The following SETD1B variants were observed in gnomAD, a reference collection of about 807,000 sequenced individuals.
The protein encoded by SETD1B is histone-lysine N-methyltransferase SETD1B.
SETD1B carries 7 observed loss-of-function variants against 148.0 expected under a neutral mutation model. That is an observed-to-expected ratio of 0.05 (90% CI 0.03 to 0.09). The LOEUF is 0.09. Among genes scored for constraint, SETD1B ranks in the 10% least tolerant of loss-of-function variants. The pLI is 1.00. For missense variants in SETD1B, 2,155 were observed against 2,729.9 expected, an observed-to-expected ratio of 0.79 and a Z score of 4.69; for synonymous variants, 1,361 against 1,186.5, an observed-to-expected ratio of 1.15 and a Z score of -3.02.
intron 5 of SETD1B, among the ~76,000 whole-genome samples, chr12:121,809,121 G>A (rs1311023545): frequency 1.3e-5 from 2 of 152,138 alleles, no homozygotes; most frequent in African/African-American, 4.8e-5. Context: ...TGATCCACCT[G>A]CCTCGGCTTC....
Position 121,810,576 on chromosome 12 carries a change from C to T in SETD1B, c.1631C>T (p.Ala544Val), listed in dbSNP as rs1431673632. Reference protein sequence around the residue: ...SSSSSQLSPLAPFGTNSQPGF... With the variant: ...SSSSSQLSPLVPFGTNSQPGF... Reference sequence around the variant, plus strand: ...TCCTCCTCCCAGCTCTCCCCACTGGCCCCCTTTGGCACCAACTCCCAGCCA... The same window carrying T: ...TCCTCCTCCCAGCTCTCCCCACTGGTCCCCTTTGGCACCAACTCCCAGCCA... Residue 544 changes from alanine to valine, a missense_variant, in exon 6 of 17, where the codon GCC becomes GTC. By Grantham distance (64) the Ala-to-Val change is moderately conservative. Coordinates refer to ENST00000604567, the MANE Select transcript of SETD1B (RefSeq NM_001353345.2). The surrounding 1 kb of genome is among the most constrained non-coding windows in gnomAD (Gnocchi z 7.6). 1.3e-6 allele frequency: 2 copies of T among 1,548,262 alleles called. No individual in the cohort carries two copies. Among genetic ancestry groups the T allele is most frequent in the Non-Finnish European group, 1.7e-6 (2 of 1,146,962 alleles).
chr12:121,795,434 G>A, the SETD1B span: 1 of 152,296 alleles, frequency 6.6e-6, no homozygotes, highest in Non-Finnish European at 1.5e-5. Context: ...GGCAGGCAGG[G>A]AAAGTAGGGT....
chr12:121,791,006 T>C, the SETD1B span, among the ~76,000 whole-genome samples: 1 of 152,108 alleles, frequency 6.6e-6, no homozygotes, highest in Non-Finnish European at 1.5e-5. Context: ...TCCGAGTAGC[T>C]GGGACTATAG....
In SETD1B at chr12:121,817,623, A is replaced by AGAGGAGGCG. The variant is rs1373357718; in HGVS notation, c.3239_3247dup (p.Ala1080_Glu1082dup). The AGAGGAGGCG allele has an allele frequency of 6.4e-7, 1 of 1,551,420 alleles. No individual in the cohort carries two copies. Among genetic ancestry groups the AGAGGAGGCG allele is most frequent in the East Asian group, 2.4e-5 (1 of 40,912 alleles). ...AGGAACAGGAGAGCACCGAGGAGGA[A>AGAGGAGGCG]GAGGAGGCGGAGGAGGAGGAGGAGG... is the stretch of plus-strand genomic sequence containing the variant. On this transcript the variant is annotated inframe_insertion, in exon 9 of 17. Transcript: ENST00000604567. The surrounding 1 kb of genome is among the most constrained non-coding windows in gnomAD (Gnocchi z 8.1).
chr12:121,815,031 G>A (rs1014985443), intron 7 of SETD1B, 101 bp downstream of exon 7: 12 of 1,114,390 alleles, frequency 1.1e-5, no homozygotes, highest in Non-Finnish European at 1.4e-5. Flanking sequence ...TGGAAACGCT[G>A]CCGTGGACCC....
At position 121,817,194 on chromosome 12, in the gene SETD1B, G is replaced by C. The variant is rs773169771; in HGVS notation, c.2877G>C (p.Leu959=). The change falls in exon 8 of 17, where the codon CTG becomes CTC. Residue 959 remains leucine (L), a synonymous_variant. Coordinates refer to ENST00000604567, the MANE Select transcript of SETD1B (RefSeq NM_001353345.2). This position sits in a 1 kb window ranked among gnomAD's most constrained non-coding sequence, Gnocchi z 8.1. ...TTGGGCTGCGTGGGGCCATTCGCCT[G>C]CCCTCCTTCAAGGTCAAGAGGAAGG... The part of the protein sequence containing the change: ...LGIGLRGAIR[L]PSFKVKRKEP... The C allele has an allele frequency of 6.5e-6, 10 of 1,550,268 alleles. No homozygotes were observed. The African/African-American group carries it at 1.4e-4, about 21-fold the overall frequency.
rs1018088358 is a variant in SETD1B at position 121,830,278 on chromosome 12, T to C, written c.*39T>C. ...ACTCAAAGGATGTCAGCCGTAGCCC[T>C]GGGACTCCCGAGCGTGGAGCCCCTG... On this transcript the variant is annotated 3_prime_UTR_variant, in exon 17 of 17. Transcript: ENST00000604567. This position sits in a 1 kb window ranked among gnomAD's most constrained non-coding sequence, Gnocchi z 5.7. The C allele has an allele frequency of 5.3e-5, 81 of 1,533,790 alleles. No homozygotes were observed. Among genetic ancestry groups the C allele is most frequent in the Non-Finnish European group, 7.0e-5 (80 of 1,138,932 alleles).
At position 121,810,898 on chromosome 12, in the gene SETD1B, C is replaced by T. The variant is rs1426459378; in HGVS notation, c.1890+63C>T. 4.2e-6 allele frequency: 6 copies of T among 1,439,470 alleles called. No homozygotes were observed. Among genetic ancestry groups the T allele is most frequent in the Non-Finnish European group, 5.5e-6 (6 of 1,089,984 alleles). 89.2% of individuals were successfully genotyped at this position (1,439,470 alleles called of 1,614,324 possible). A position where few individuals can be genotyped will look rare whatever the true frequency, so the allele number is the denominator to read the frequency against. ...TGTCTATCTTGTATCTCCCTTTCCC[C>T]CTTCAAGCATTTAGCATGACTAGCT... On this transcript the variant is annotated intron_variant, in intron 6 of 16. Transcript: ENST00000604567. This position sits in a 1 kb window ranked among gnomAD's most constrained non-coding sequence, Gnocchi z 7.6.
chr12:121,804,984 C>A lies in SETD1B; in HGVS notation c.174+73C>A. 6.8e-7 allele frequency: 1 copy of A among 1,462,694 alleles called. No homozygotes were observed. The highest frequency in any genetic ancestry group is 9.2e-7 in the Non-Finnish European group (1 of 1,092,248). The allele number at this position is 1,462,694 out of a possible 1,614,324, so 90.6% of individuals were successfully genotyped here. On this transcript the variant is annotated intron_variant, in intron 2 of 16. Transcript: ENST00000604567. This position sits in a 1 kb window ranked among gnomAD's most constrained non-coding sequence, Gnocchi z 4.6. Reference sequence around the variant, plus strand: ...GGAGACGCGCCTAGCGGCCAGGGACCCCCCGCCCGATCCCCCGGCCAACTG... The same window carrying A: ...GGAGACGCGCCTAGCGGCCAGGGACACCCCGCCCGATCCCCCGGCCAACTG...
chr12:121,816,971 G>A (rs1025083146), intron 7 of SETD1B, 62 bp from the exon 8 acceptor site: 2 of 1,415,822 alleles, frequency 1.4e-6, no homozygotes, highest in African/African-American at 2.9e-5. Context: ...GCCTGGGGAG[G>A]GCTCCCTGCA....
In SETD1B at chr12:121,823,521, A is replaced by G; in HGVS notation, c.4942A>G (p.Lys1648Glu). 6.4e-7 allele frequency: 1 copy of G among 1,550,792 alleles called. No homozygotes were observed. The highest frequency in any genetic ancestry group is 1.2e-5 in the South Asian group (1 of 84,040). Residue 1648 changes from lysine to glutamate, a missense_variant, in exon 12 of 17, where the codon AAG (lysine) becomes GAG (glutamate). This residue lies in a region of SETD1B where 862 missense variants were observed against 873.8 expected (regional missense o/e 0.99). Transcript: ENST00000604567. ...GGGGCCGTGGCGCCGGCCACCTAAG[A>G]AGCGCCATGAGGACCTGGTGCCACC... ...SRGPWRRPPKKRHEDLVPPAG... is the reference protein window; with the variant it reads ...SRGPWRRPPKERHEDLVPPAG...
chr12:121,816,891 TG>T, intron 7 of SETD1B, 141 bp from the exon 8 acceptor site: 1 of 711,094 alleles, frequency 1.4e-6, no homozygotes, highest in Non-Finnish European at 2.3e-6. Context: ...CGGCATAGTG[TG>T]GCCAGGTGTG....
rs143369375 is a variant in SETD1B, at chr12:121,825,414, C to T, written c.5337+48C>T. On this transcript the variant is annotated intron_variant, in intron 13 of 16. Coordinates refer to ENST00000604567, the MANE Select transcript of SETD1B (RefSeq NM_001353345.2). ...CATCAGAGCCTGCTGGGCTGGGCCA[C>T]GGGGATCCAGGGCACTCATGGAGGG... 1,413 of 1,368,610 alleles carry T rather than the reference C, an allele frequency of 1.0e-3. 41 individuals carry two copies. The East Asian group carries it at 0.047, about 45-fold the overall frequency. 84.8% of individuals were successfully genotyped at this position (1,368,610 alleles called of 1,614,324 possible). A position where few individuals can be genotyped will look rare whatever the true frequency, so the allele number is the denominator to read the frequency against.
chr12:121,811,292 G>C lies in SETD1B; in HGVS notation c.1890+457G>C, dbSNP rs145348030. 9.6e-3 allele frequency among the ~76,000 whole-genome samples: 1,459 copies of C among 152,260 alleles called. 18 individuals carry two copies. The highest frequency in any genetic ancestry group is 0.034 in the Middle Eastern group (10 of 294). On this transcript the variant is annotated intron_variant, in intron 6 of 16. Transcript: ENST00000604567. The stretch of plus-strand genomic sequence containing the variant: ...GAGAGATTGGCCAGAATACTGTGCT[G>C]GGCTAAGTGGGGTGAAGCCCCGGAG...
At chr12:121,797,607 AG>A in the SETD1B span, 3 of 456,340 alleles carry the variant, frequency 6.6e-6, no homozygotes, top group Non-Finnish European at 1.3e-5. Flanking sequence ...GGATCCAGGG[AG>A]GGGAGAAACT....
At chr12:121,797,357 C>T in the SETD1B span, 25 of 431,570 alleles carry the variant, frequency 5.8e-5, no homozygotes, top group Non-Finnish European at 8.4e-5. Context: ...GCGCCAGCAG[C>T]GGCCCCGCCC....
the SETD1B span, chr12:121,793,218 C>A: frequency 1.3e-6 from 2 of 1,550,974 alleles, no homozygotes; most frequent in East Asian, 4.9e-5. Context: ...GTGTACTTCT[C>A]GAACACCGAT....
intron 13 of SETD1B, 115 bp from the exon 14 acceptor site, chr12:121,827,404 G>C: frequency 7.6e-7 from 1 of 1,321,440 alleles, no homozygotes; most frequent in Non-Finnish European, 1.0e-6. Context: ...GACAGGTGTG[G>C]AGAAGCCCAG....
Position 121,810,885 on chromosome 12 carries a change from ATC to A in SETD1B, c.1890+53_1890+54del. On this transcript the variant is annotated intron_variant, in intron 6 of 16. Transcript: ENST00000604567. This position sits in a 1 kb window ranked among gnomAD's most constrained non-coding sequence, Gnocchi z 7.6. The stretch of plus-strand genomic sequence containing the variant: ...CTGGGACTGGTTTTGTCTATCTTGT[ATC>A]TCCCTTTCCCCCTTCAAGCATTTAG... The A allele has an allele frequency of 6.9e-7, 1 of 1,448,000 alleles. No homozygotes were observed. Among genetic ancestry groups the A allele is most frequent in the Non-Finnish European group, 9.1e-7 (1 of 1,094,772 alleles). The allele number at this position is 1,448,000 out of a possible 1,614,324, so 89.7% of individuals were successfully genotyped here.
Sources: gnomAD v4.1 joint callset for allele counts (sites outside exome capture counted in the v4.1 genomes callset) on GRCh38, gnomAD v4.1.1 for gene constraint, gnomAD v4.1.1 regional missense constraint, Gnocchi (gnomAD v3.1) non-coding constraint, MANE v1.5 for transcripts, NCBI Gene and HGNC (gene_info 2026-07-23, HGNC 2026-07-21) for gene names.